GRK4: variants seen among roughly 807,000 people sequenced by gnomAD.
The protein encoded by GRK4 is G protein-coupled receptor kinase 4.
A neutral mutation model predicts 77.9 loss-of-function variants in GRK4; 73 were observed. The observed-to-expected ratio is 0.94, with a 90% CI of 0.78 to 1.14. GRK4 has a LOEUF of 1.14. Among genes scored for constraint, GRK4 ranks in the 50% most tolerant of loss-of-function variants. The pLI is 0.00. For synonymous variants in GRK4, 257 were observed against 254.4 expected, an observed-to-expected ratio of 1.01 and a Z score of -0.10; for missense variants, 729 against 700.2, an observed-to-expected ratio of 1.04 and a Z score of -0.46.
At chr4:3,004,950 C>T (rs1379248881) in intron 5 of GRK4, among the ~76,000 whole-genome samples, 1 of 151,978 alleles carries the variant, frequency 6.6e-6, no homozygotes, top group Non-Finnish European at 1.5e-5. Context: ...ATTCCATGTA[C>T]ACACGAGGCA....
chr4:2,976,128 TAA>T (rs1353609003), intron 1 of GRK4, among the ~76,000 whole-genome samples: 1 of 152,244 alleles, frequency 6.6e-6, no homozygotes, highest in Non-Finnish European at 1.5e-5. Flanking sequence ...TTTCTGCCTA[TAA>T]AACCAAACTC....
At chr4:2,981,519 T>A (rs755255590) in intron 1 of GRK4, among the ~76,000 whole-genome samples, 6 of 152,214 alleles carry the variant, frequency 3.9e-5, no homozygotes, top group Non-Finnish European at 8.8e-5. Context: ...CAGGTTGTCC[T>A]GATGAGTATA....
chr4:3,028,840 T>C (rs1032180691), intron 11 of GRK4, among the ~76,000 whole-genome samples: 1 of 152,068 alleles, frequency 6.6e-6, no homozygotes, highest in Non-Finnish European at 1.5e-5. Context: ...GGCACAATCT[T>C]GGCTCACTGC....
At chr4:2,997,112 T>TG (rs1293429454) in intron 4 of GRK4, among the ~76,000 whole-genome samples, 1 of 152,230 alleles carries the variant, frequency 6.6e-6, no homozygotes. Context: ...TGTTCATTCT[T>TG]GCATTTCTTT....
intron 1 of GRK4, chr4:2,966,103 A>G (rs886569376): frequency 1.3e-5 from 2 of 153,410 alleles, no homozygotes; most frequent in Non-Finnish European, 2.9e-5. Flanking sequence ...ACCTAAGACC[A>G]CAGTGATAGT....
At chr4:3,020,839 G>A (rs564468032) in intron 9 of GRK4, among the ~76,000 whole-genome samples, 10 of 152,184 alleles carry the variant, frequency 6.6e-5, no homozygotes, top group Admixed American at 2.0e-4. Flanking sequence ...GGATGCTTGC[G>A]TCTGTATTGA....
At chr4:3,007,699 C>T in intron 5 of GRK4, 37 bp from the exon 6 acceptor site, 1 of 1,330,282 alleles carries the variant, frequency 7.5e-7, no homozygotes, top group Non-Finnish European at 1.1e-6. Context: ...TTTCTTAATA[C>T]AACAAATGTA....
In GRK4 at chr4:2,984,485, G is replaced by T. The variant is rs769518454; in HGVS notation, c.53-28G>T. 5.4e-6 allele frequency: 7 copies of T among 1,291,880 alleles called. No homozygotes were observed. In the South Asian group the frequency reaches 7.2e-5, roughly 13 times the overall value. The allele number at this position is 1,291,880 out of a possible 1,614,324, so 80.0% of individuals were successfully genotyped here. On this transcript the variant is annotated intron_variant, in intron 1 of 15. Transcript: ENST00000398052. The stretch of plus-strand genomic sequence containing the variant: ...AATTGGATATTTCTGACTGTTAAAG[G>T]AAATTGCCTTTTTTCTCCCAAATTC...
intron 3 of GRK4, 32 bp downstream of exon 3, chr4:2,988,871 C>T (rs1725256230): frequency 3.1e-6 from 4 of 1,302,668 alleles, no homozygotes; most frequent in Admixed American, 3.4e-5. Flanking sequence ...TGAGCAACCA[C>T]CCAATCTTAT....
rs1307855757 is a variant in GRK4, at chr4:2,988,744, C to T, written c.166C>T (p.Leu56Phe). Reference sequence around the variant, plus strand: ...TCACCCAGAAAAGGATTATAGCAGTCTTTGTGACAAGCAACCGATAGGAAG... The same window carrying T: ...TCACCCAGAAAAGGATTATAGCAGTTTTTGTGACAAGCAACCGATAGGAAG... ...RHSIEKDYSS[L>F]CDKQPIGRRL... is the part of the protein sequence containing the mutation. Residue 56 changes from leucine (L) to phenylalanine (F), a missense_variant, in exon 3 of 16, where the codon CTT (leucine) becomes TTT (phenylalanine). Physicochemically the swap from Leu to Phe is conservative, Grantham distance 22. Transcript: ENST00000398052. 2 of 1,608,568 alleles carry T rather than the reference C, an allele frequency of 1.2e-6. No homozygotes were observed. Among genetic ancestry groups the T allele is most frequent in the East Asian group, 2.2e-5 (1 of 44,872 alleles).
At chr4:3,030,823 T>C (rs1738954107) in intron 12 of GRK4, among the ~76,000 whole-genome samples, 1 of 152,170 alleles carries the variant, frequency 6.6e-6, no homozygotes, top group Non-Finnish European at 1.5e-5. Context: ...TGTCAAGCCT[T>C]GAGTGTTGCT....
intron 8 of GRK4, among the ~76,000 whole-genome samples, chr4:3,014,947 C>G (rs1038117174): frequency 3.3e-5 from 5 of 152,126 alleles, no homozygotes; most frequent in Non-Finnish European, 7.4e-5. Context: ...TCTCTAGCCC[C>G]CTTCTCATGT....
At chr4:3,025,387 AT>A (rs71180111) in intron 10 of GRK4, among the ~76,000 whole-genome samples, 1,982 of 112,196 alleles carry the variant, frequency 0.018, 14 homozygotes, top group African/African-American at 0.023. Flanking sequence ...TAGCGATCTA[AT>A]TTTTTTTTTT....
chr4:3,035,394 C>G lies in GRK4; in HGVS notation c.1278C>G (p.Thr426=). 1 of 1,613,928 alleles carries G rather than the reference C, an allele frequency of 6.2e-7. No individual in the cohort carries two copies. Among genetic ancestry groups the G allele is most frequent in the Non-Finnish European group, 8.5e-7 (1 of 1,179,984 alleles). Residue 426 remains threonine, a synonymous_variant, in exon 13 of 16, where the codon ACC becomes ACG. Transcript: ENST00000398052. ...DAKSICRMLL[T]KNPSKRLGCR... ...ATTTCTGCCTCTTGCAGTTACTCAC[C>G]AAGAATCCAAGCAAGCGGCTGGGCT...
chr4:3,011,465 A>G (rs1732896402), intron 7 of GRK4, among the ~76,000 whole-genome samples: 1 of 152,082 alleles, frequency 6.6e-6, no homozygotes, highest in Non-Finnish European at 1.5e-5. Flanking sequence ...GATAAGAAAG[A>G]CTCAGTATAA....
At position 3,020,103 on chromosome 4, in the gene GRK4, G is replaced by A. The variant is rs142836548; in HGVS notation, c.932+272G>A. 6.8e-3 allele frequency among the ~76,000 whole-genome samples: 1,030 copies of A among 151,984 alleles called. 7 individuals carry two copies. The highest frequency in any genetic ancestry group is 0.023 in the African/African-American group (962 of 41,504). On this transcript the variant is annotated intron_variant, in intron 9 of 15. Transcript: ENST00000398052. ...GCACAATCTCGGCTCACTGCAGTTCGAGTGATTCTCCTGCCTCAGACTCCC... is the reference window on the plus strand; with the variant it reads ...GCACAATCTCGGCTCACTGCAGTTCAAGTGATTCTCCTGCCTCAGACTCCC...
intron 11 of GRK4, 40 bp from the exon 12 acceptor site, chr4:3,029,161 A>T (rs754815165): frequency 6.6e-7 from 1 of 1,508,790 alleles, no homozygotes; most frequent in Non-Finnish European, 9.1e-7. Context: ...TTTAAAATCA[A>T]AATTTAACTT....
In GRK4 at chr4:2,988,486, G is replaced by A. The variant is rs140162878; in HGVS notation, c.149-241G>A. On this transcript the variant is annotated intron_variant, in intron 2 of 15. Coordinates refer to ENST00000398052, the MANE Select transcript of GRK4 (RefSeq NM_182982.3). ...TGCTTAACAGATAAGCAGGAGAATCGCCTGAACCCGGGAGGCAGAGGCTGC... is the reference window on the plus strand; with the variant it reads ...TGCTTAACAGATAAGCAGGAGAATCACCTGAACCCGGGAGGCAGAGGCTGC... Among the ~76,000 whole-genome samples, 157 of 152,192 alleles carry A rather than the reference G, an allele frequency of 1.0e-3. 1 individual carries two copies. The highest frequency in any genetic ancestry group is 3.5e-3 in the Admixed American group (54 of 15,266).
At chr4:2,974,795 A>C (rs1462784116) in intron 1 of GRK4, among the ~76,000 whole-genome samples, 3 of 152,184 alleles carry the variant, frequency 2.0e-5, no homozygotes, top group Non-Finnish European at 2.9e-5. Flanking sequence ...CACCTGTTTT[A>C]TACATTGCTC....
Sources: allele counts gnomAD v4.1 joint callset (sites outside exome capture counted in the v4.1 genomes callset), GRCh38; gene constraint gnomAD v4.1.1; transcripts MANE v1.5; gene names NCBI Gene and HGNC (gene_info 2026-07-23, HGNC 2026-07-21).